GBX1: variants seen among roughly 807,000 people sequenced by gnomAD.
GBX1 encodes homeobox protein GBX-1.
In GBX1, 9 loss-of-function variants were observed where a neutral mutation model predicts 22.9. The ratio of observed to expected loss-of-function variants is 0.39; its 90% CI spans 0.24 to 0.69. The LOEUF (loss-of-function observed/expected upper bound fraction) is 0.69. Ranked by LOEUF, GBX1 falls within the 30% of genes least tolerant of loss-of-function variation. The probability of loss-of-function intolerance (pLI) is 0.43; values close to 1 mark genes in which losing one functional copy is unlikely to be tolerated. For synonymous variants in GBX1, 203 were observed against 227.3 expected (o/e 0.89, Z 0.96); for missense variants, 494 against 509.2 (o/e 0.97, Z 0.29).
rs2150551837 is a variant in GBX1 at position 151,167,120 on chromosome 7, G to A, written c.429C>T (p.Arg143=). 1 of 1,602,136 alleles carries A rather than the reference G, an allele frequency of 6.2e-7. No individual in the cohort carries two copies. The highest frequency in any genetic ancestry group is 1.7e-5 in the Admixed American group (1 of 58,318). Residue 143 remains arginine, a synonymous_variant, in exon 1 of 2, where the codon CGC becomes CGT. Coordinates refer to ENST00000297537, the MANE Select transcript of GBX1 (RefSeq NM_001098834.3). This position sits in a 1 kb window ranked among gnomAD's most constrained non-coding sequence, Gnocchi z 5.9. ...CATCAGCTTCCAGCCCACCCTCTGG[G>A]CGTCGGCCGCCTGGCTCGGGGTTGT... The part of the protein sequence containing the change: ...ARNNPEPGGR[R]PEGGLEADEL...
At chr7:151,159,979 C>T (rs1801173584) in intron 1 of GBX1, among the ~76,000 whole-genome samples, 1 of 152,198 alleles carries the variant, frequency 6.6e-6, no homozygotes, top group Non-Finnish European at 1.5e-5. Context: ...GATCTCACCT[C>T]AAGATGCATG....
intron 1 of GBX1, among the ~76,000 whole-genome samples, chr7:151,153,318 A>G (rs867849736): frequency 6.6e-6 from 1 of 152,238 alleles, no homozygotes; most frequent in South Asian, 2.1e-4. Flanking sequence ...CCCCAAGAGA[A>G]GGAGCACTGT....
intron 1 of GBX1, 41 bp downstream of exon 1, chr7:151,166,970 G>C (rs58304055): frequency 1.3e-6 from 2 of 1,589,702 alleles, no homozygotes; most frequent in Non-Finnish European, 1.7e-6. Context: ...ATTTCCAGGT[G>C]AACCGGCCTC....
chr7:151,151,446 C>T (rs1207905661), intron 1 of GBX1, among the ~76,000 whole-genome samples: 1 of 152,120 alleles, frequency 6.6e-6, no homozygotes, highest in Admixed American at 6.5e-5. Flanking sequence ...TGGTTTCCTC[C>T]TTCATTTCAT....
chr7:151,153,061 G>T (rs143207751), intron 1 of GBX1, among the ~76,000 whole-genome samples: 263 of 152,270 alleles, frequency 1.7e-3, no homozygotes, highest in African/African-American at 6.2e-3. Context: ...AAAGGCCAAG[G>T]CAGGTGGAAA....
rs767136931 is a variant in GBX1 at position 151,149,074 on chromosome 7, C to T, written c.607G>A (p.Glu203Lys). The change falls in exon 2 of 2, where the codon GAA (glutamate) becomes AAA (lysine). Residue 203 changes from glutamate to lysine, a missense_variant. By Grantham distance (56) the Glu-to-Lys change is moderately conservative. Transcript: ENST00000297537. ...EASAGDPAGSEQEEEGSGGDS... is the reference protein window; with the variant it reads ...EASAGDPAGSKQEEEGSGGDS... ...CCGCCTGAGCCCTCTTCCTCCTGTT[C>T]GCTGCCTGCTGGGTCTCCTGCTGAT... The T allele has an allele frequency of 5.6e-6, 9 of 1,613,352 alleles. No individual in the cohort carries two copies. Among genetic ancestry groups the T allele is most frequent in the East Asian group, 4.5e-5 (2 of 44,876 alleles).
chr7:151,164,830 G>A (rs1468276811), intron 1 of GBX1, among the ~76,000 whole-genome samples: 1 of 109,860 alleles, frequency 9.1e-6, no homozygotes, highest in Admixed American at 1.3e-4. Context: ...ATGAAGCTCT[G>A]TCATTTTATA....
chr7:151,158,224 C>T (rs530726316), intron 1 of GBX1, among the ~76,000 whole-genome samples: 1 of 152,312 alleles, frequency 6.6e-6, no homozygotes, highest in Admixed American at 6.5e-5. Flanking sequence ...CTCCACCTCA[C>T]TCCCACAACT....
At chr7:151,153,284 G>C (rs1280285576) in intron 1 of GBX1, among the ~76,000 whole-genome samples, 3 of 152,186 alleles carry the variant, frequency 2.0e-5, no homozygotes, top group Non-Finnish European at 4.4e-5. Context: ...AAAACATTTT[G>C]GCCCTGCCAT....
rs34479548 is a variant in GBX1 at position 151,156,984 on chromosome 7, CAA to C, written c.539-7844_539-7843del. Among the ~76,000 whole-genome samples the C allele has an allele frequency of 6.6e-4, 33 of 50,090 alleles. 1 individual carries two copies. Among genetic ancestry groups the C allele is most frequent in the African/African-American group, 1.3e-3 (18 of 14,382 alleles). The allele number at this position is 50,090 out of a possible 152,430, so 32.9% of individuals were successfully genotyped here. ...CAGGCAACAGAGTGAGACTCTGTCT[CAA>C]AAAAAAAAAAAAAAAAAAAAGTGTA... On this transcript the variant is annotated intron_variant, in intron 1 of 1. Coordinates refer to ENST00000297537, the MANE Select transcript of GBX1 (RefSeq NM_001098834.3).
At chr7:151,157,258 T>A (rs1041295092) in intron 1 of GBX1, among the ~76,000 whole-genome samples, 2 of 152,140 alleles carry the variant, frequency 1.3e-5, no homozygotes. Context: ...ATCGCGCCAC[T>A]GCACTCCAGC....
intron 1 of GBX1, among the ~76,000 whole-genome samples, chr7:151,149,619 G>A (rs756573681): frequency 3.7e-4 from 56 of 152,316 alleles, no homozygotes; most frequent in Middle Eastern, 3.4e-3. Context: ...CCACTGGGGG[G>A]AGGAGTGAAG....
chr7:151,161,975 A>G (rs1404886163), intron 1 of GBX1, among the ~76,000 whole-genome samples: 1 of 152,240 alleles, frequency 6.6e-6, no homozygotes, highest in Non-Finnish European at 1.5e-5. Context: ...TGTCTCAAAT[A>G]TACTAAGTCT....
rs1047351798 is a variant in GBX1, at chr7:151,148,632, A to T, written c.1049T>A (p.Val350Glu). The T allele has an allele frequency of 6.2e-7, 1 of 1,613,664 alleles. No homozygotes were observed. The highest frequency in any genetic ancestry group is 1.7e-5 in the Admixed American group (1 of 59,978). ...CTCCATTTGTTGGTGCTGGCTCCGC[A>T]CAGCAAACCTGTTGACATGCACAGG... The part of the protein sequence containing the change: ...PIPVHVNRFA[V>E]RSQHQQMEQG... Residue 350 changes from valine to glutamate, a missense_variant, in exon 2 of 2, where the codon GTG becomes GAG. By Grantham distance (121) the Val-to-Glu change is moderately radical. This residue lies in a region of GBX1 where 124 missense variants were observed against 152.0 expected (regional missense o/e 0.82). Transcript: ENST00000297537. The surrounding 1 kb of genome is among the most constrained non-coding windows in gnomAD (Gnocchi z 5.1).
At chr7:151,160,108 G>T (rs988506899) in intron 1 of GBX1, among the ~76,000 whole-genome samples, 15 of 152,088 alleles carry the variant, frequency 9.9e-5, no homozygotes, top group Non-Finnish European at 2.1e-4. Context: ...CATTAATAAA[G>T]ATATCCTTAT....
In GBX1 at chr7:151,167,201, G is replaced by T; in HGVS notation, c.348C>A (p.Tyr116Ter). Residue 116 changes from tyrosine (Y) to a stop codon, truncating the protein, a stop_gained, in exon 1 of 2, where the codon TAC (tyrosine) becomes TAA (stop). Transcript: ENST00000297537. LOFTEE classifies it high-confidence loss of function. This position sits in a 1 kb window ranked among gnomAD's most constrained non-coding sequence, Gnocchi z 5.9. ...PSFAEPPDAF[Y>*]GPQELAAAAA... The stretch of plus-strand genomic sequence containing the variant: ...CGGCGGCGGCGAGCTCCTGGGGCCC[G>T]TAGAAAGCGTCGGGCGGCTCCGCGA... 1 of 1,567,394 alleles carries T rather than the reference G, an allele frequency of 6.4e-7. No individual in the cohort carries two copies. The highest frequency in any genetic ancestry group is 1.2e-5 in the South Asian group (1 of 86,346).
At chr7:151,164,410 C>G (rs2150551039) in intron 1 of GBX1, among the ~76,000 whole-genome samples, 1 of 152,306 alleles carries the variant, frequency 6.6e-6, no homozygotes, top group Middle Eastern at 3.4e-3. Context: ...TATTATGTCT[C>G]TCATTTCTGG....
At chr7:151,149,274 G>A (rs1801050436) in intron 1 of GBX1, 132 bp from the exon 2 acceptor site, 2 of 804,770 alleles carry the variant, frequency 2.5e-6, no homozygotes, top group East Asian at 2.5e-5. Flanking sequence ...GCCATGGAGA[G>A]GAGAAGATGG....
chr7:151,167,334 G>C lies in GBX1; in HGVS notation c.215C>G (p.Pro72Arg), dbSNP rs1214690453. ...APAPLPAGLP[P>R]LAPLASFAGR... ...GGCGAAAGAGGCTAGCGGGGCGAGG[G>C]GCGGGAGGCCAGCGGGCAGCGGCGC... The change falls in exon 1 of 2, where the codon CCC becomes CGC. Residue 72 changes from proline (P) to arginine (R), a missense_variant. Around this residue, in one of 3 missense-constraint regions of GBX1, gnomAD observed 365 missense variants for 340.4 expected, o/e 1.07. Transcript: ENST00000297537. This position sits in a 1 kb window ranked among gnomAD's most constrained non-coding sequence, Gnocchi z 5.9. 6.6e-7 allele frequency: 1 copy of C among 1,514,056 alleles called. No homozygotes were observed. Among genetic ancestry groups the C allele is most frequent in the Non-Finnish European group, 8.8e-7 (1 of 1,134,478 alleles). The allele number at this position is 1,514,056 out of a possible 1,614,324, so 93.8% of individuals were successfully genotyped here. A position where few individuals can be genotyped will look rare whatever the true frequency, so the allele number is the denominator to read the frequency against.
Sources: allele counts gnomAD v4.1 joint callset (sites outside exome capture counted in the v4.1 genomes callset), GRCh38; gene constraint gnomAD v4.1.1; regional missense constraint gnomAD v4.1.1; non-coding constraint Gnocchi (gnomAD v3.1); transcripts MANE v1.5; gene names NCBI Gene and HGNC (gene_info 2026-07-23, HGNC 2026-07-21).